Variants in PHLDB2 observed in about 807,000 individuals in gnomAD.
PHLDB2 encodes pleckstrin homology like domain family B member 2, also known as pleckstrin homology-like domain family B member 2.
PHLDB2 carries 71 observed loss-of-function variants against 123.6 expected under a neutral mutation model. The observed-to-expected ratio is 0.57, with a 90% CI of 0.47 to 0.70. The LOEUF is 0.70. Among genes scored for constraint, PHLDB2 ranks in the 30% least tolerant of loss-of-function variants. The pLI, the probability that PHLDB2 is intolerant of heterozygous loss-of-function variation, is 0.00. For synonymous variants in PHLDB2, 547 were observed against 541.6 expected (o/e 1.01, Z -0.14); for missense variants, 1,446 against 1,519.5 (o/e 0.95, Z 0.80).
intron 2 of PHLDB2, among the ~76,000 whole-genome samples, chr3:111,848,194 A>G (rs769814707): frequency 1.3e-5 from 2 of 152,232 alleles, no homozygotes. Flanking sequence ...GGATCAAAGC[A>G]TTCAACAAAG....
chr3:111,939,560 A>G lies in PHLDB2; in HGVS notation c.2216A>G (p.Glu739Gly). ...QLEHESRLDE[E>G]KENLTQQLLR... ...GAACATGAGAGCCGTCTAGATGAAG[A>G]AAAGGAGAACTTGACTCAACAGCTC... Residue 739 changes from glutamate to glycine, a missense_variant, in exon 7 of 18, where the codon GAA becomes GGA. Coordinates refer to ENST00000431670, the MANE Select transcript of PHLDB2 (RefSeq NM_001134438.2). The G allele has an allele frequency of 3.7e-6, 6 of 1,614,040 alleles. No homozygotes were observed. Among genetic ancestry groups the G allele is most frequent in the Non-Finnish European group, 5.1e-6 (6 of 1,179,930 alleles).
At chr3:111,831,592 A>G (rs1190347344) in intron 1 of PHLDB2, among the ~76,000 whole-genome samples, 1 of 152,168 alleles carries the variant, frequency 6.6e-6, no homozygotes, top group Non-Finnish European at 1.5e-5. Context: ...TGCTTACCCT[A>G]TATTTAATAT....
intron 1 of PHLDB2, among the ~76,000 whole-genome samples, chr3:111,807,948 T>TTTTG (rs2061666679): frequency 6.8e-5 from 1 of 14,662 alleles, no homozygotes; most frequent in African/African-American, 1.1e-4. Flanking sequence ...AGCTGGGTGT[T>TTTTG]TTTTTTTTTT....
intron 1 of PHLDB2, among the ~76,000 whole-genome samples, chr3:111,796,242 TTTC>T (rs1348980908): frequency 2.0e-5 from 3 of 152,164 alleles, no homozygotes; most frequent in African/African-American, 7.2e-5. Flanking sequence ...AAAAACGCCT[TTTC>T]ATTTTTACTA....
chr3:111,875,089 C>A (rs1216171893), intron 1 of PHLDB2, among the ~76,000 whole-genome samples: 1 of 151,976 alleles, frequency 6.6e-6, no homozygotes, highest in African/African-American at 2.4e-5. Context: ...TTGCCAGAGT[C>A]ATTTAGAAGA....
At chr3:111,897,708 T>A (rs2066954270) in intron 2 of PHLDB2, among the ~76,000 whole-genome samples, 1 of 152,218 alleles carries the variant, frequency 6.6e-6, no homozygotes, top group South Asian at 2.1e-4. Flanking sequence ...GATTATAGAA[T>A]AACAAGCTGA....
intron 8 of PHLDB2, among the ~76,000 whole-genome samples, chr3:111,943,927 TTAAAG>T (rs1559915123): frequency 6.6e-6 from 1 of 152,164 alleles, no homozygotes; most frequent in Non-Finnish European, 1.5e-5. Context: ...TCAAGACTGT[TTAAAG>T]TAGTTTTTTC....
At position 111,780,336 on chromosome 3, in the gene PHLDB2, A is replaced by G. The variant is rs904645929; in HGVS notation, c.-49+47633A>G. Among the ~76,000 whole-genome samples, 119 of 12,900 alleles carry G rather than the reference A, an allele frequency of 9.2e-3. 11 individuals carry two copies. Among genetic ancestry groups the G allele is most frequent in the East Asian group, 0.074 (8 of 108 alleles). 8.5% of individuals were successfully genotyped at this position (12,900 alleles called of 152,430 possible). A position where few individuals can be genotyped will look rare whatever the true frequency, so the allele number is the denominator to read the frequency against. ...AAGAGGAAGAGGAAGAAGAAGAAGA[A>G]GAAGAAGAAGAAGAAGAAGAAGAAG... On this transcript the variant is annotated intron_variant, in intron 1 of 17. Transcript: ENST00000393923.
intron 1 of PHLDB2, among the ~76,000 whole-genome samples, chr3:111,837,623 C>G (rs575447039): frequency 6.6e-6 from 1 of 152,284 alleles, no homozygotes; most frequent in African/African-American, 2.4e-5. Flanking sequence ...TCCAAAACTC[C>G]TTAGTTTTTT....
intron 7 of PHLDB2, 35 bp downstream of exon 7, chr3:111,939,665 C>A: frequency 1.3e-6 from 2 of 1,582,202 alleles, no homozygotes; most frequent in South Asian, 1.2e-5. Context: ...TGTGAAAAAT[C>A]AAAATATATT....
At chr3:111,748,155 A>C (rs918715792) in intron 1 of PHLDB2, among the ~76,000 whole-genome samples, 1 of 152,188 alleles carries the variant, frequency 6.6e-6, no homozygotes, top group South Asian at 2.1e-4. Context: ...AGGAAGCAAA[A>C]TAGACCCAAG....
At chr3:111,753,641 C>T (rs2059826169) in intron 1 of PHLDB2, among the ~76,000 whole-genome samples, 1 of 152,176 alleles carries the variant, frequency 6.6e-6, no homozygotes, top group Non-Finnish European at 1.5e-5. Context: ...TGTGCAGAAG[C>T]TCTTTAGTTT....
chr3:111,879,655 T>C (rs533633893), intron 1 of PHLDB2, among the ~76,000 whole-genome samples: 9 of 152,274 alleles, frequency 5.9e-5, no homozygotes, highest in African/African-American at 1.9e-4. Flanking sequence ...TTACAGAAAG[T>C]AAGCTTTTTA....
Position 111,859,592 on chromosome 3 carries a change from T to G in PHLDB2, c.-15+16T>G. 2 of 985,162 alleles carry G rather than the reference T, an allele frequency of 2.0e-6. No homozygotes were observed. The highest frequency in any genetic ancestry group is 2.4e-6 in the Non-Finnish European group (2 of 829,882). 61.0% of individuals were successfully genotyped at this position (985,162 alleles called of 1,614,324 possible). On this transcript the variant is annotated intron_variant, in intron 1 of 17. Coordinates refer to ENST00000431670, the MANE Select transcript of PHLDB2 (RefSeq NM_001134438.2). Reference sequence around the variant, plus strand: ...CAATGGCCAGGTGAGGAGGCGGCGGTGGTCGCCCGGGAGGAGGGGGTGGTG... The same window carrying G: ...CAATGGCCAGGTGAGGAGGCGGCGGGGGTCGCCCGGGAGGAGGGGGTGGTG...
intron 12 of PHLDB2, chr3:111,958,655 C>G: frequency 4.4e-6 from 2 of 453,612 alleles, no homozygotes; most frequent in Admixed American, 4.8e-5. Flanking sequence ...GCTTTATACA[C>G]CTTATAAACT....
chr3:111,831,540 C>T (rs2063038134), intron 1 of PHLDB2, among the ~76,000 whole-genome samples: 1 of 152,176 alleles, frequency 6.6e-6, no homozygotes, highest in African/African-American at 2.4e-5. Context: ...GGCTCTACAA[C>T]ATACCACTAT....
At chr3:111,958,305 G>A in intron 12 of PHLDB2, 1 of 991,786 alleles carries the variant, frequency 1.0e-6, no homozygotes, top group Non-Finnish European at 1.2e-6. Context: ...GGTGAGCTAT[G>A]ACAGGCTGAA....
chr3:111,864,001 G>T (rs1475264799), intron 1 of PHLDB2, among the ~76,000 whole-genome samples: 1 of 152,156 alleles, frequency 6.6e-6, no homozygotes, highest in Non-Finnish European at 1.5e-5. Flanking sequence ...AATCTGACAG[G>T]TTCTGGCCAT....
intron 1 of PHLDB2, among the ~76,000 whole-genome samples, chr3:111,830,196 G>C (rs952854502): frequency 3.9e-5 from 6 of 151,906 alleles, no homozygotes; most frequent in Non-Finnish European, 7.4e-5. Context: ...CTCCTACTTC[G>C]AGGCCTCTAT....
Sources: gnomAD v4.1 joint callset for allele counts (sites outside exome capture counted in the v4.1 genomes callset) on GRCh38, gnomAD v4.1.1 for gene constraint, MANE v1.5 for transcripts, NCBI Gene and HGNC (gene_info 2026-07-23, HGNC 2026-07-21) for gene names.